The following TSPAN4 variants were observed in gnomAD, a reference collection of about 807,000 sequenced individuals.
The protein encoded by TSPAN4 is tetraspanin 4.
A neutral mutation model predicts 31.5 loss-of-function variants in TSPAN4; 38 were observed. The observed-to-expected ratio is 1.21, with a 90% CI of 0.93 to 1.58. The LOEUF is 1.58. Ranked by LOEUF, TSPAN4 falls within the 40% of genes most tolerant of loss-of-function variation. The pLI is 0.00. For missense variants in TSPAN4, 330 were observed against 317.3 expected (o/e 1.04, Z -0.30); for synonymous variants, 186 against 144.6 (o/e 1.29, Z -2.06).
chr11:855,981 G>A (rs1048106676), intron 3 of TSPAN4, among the ~76,000 whole-genome samples: 1 of 152,222 alleles, frequency 6.6e-6, no homozygotes, highest in African/African-American at 2.4e-5. Context: ...CGTGGCCCCC[G>A]TGGGCCCGGA....
chr11:853,414 C>T (rs532981324), intron 3 of TSPAN4, among the ~76,000 whole-genome samples: 1 of 152,258 alleles, frequency 6.6e-6, no homozygotes, highest in Non-Finnish European at 1.5e-5. Flanking sequence ...TGGTCACTGA[C>T]GGCCTGGGGC....
chr11:849,223 G>C (rs1039107987), intron 2 of TSPAN4, among the ~76,000 whole-genome samples: 1 of 152,112 alleles, frequency 6.6e-6, no homozygotes, highest in Non-Finnish European at 1.5e-5. Context: ...TGGTGGAGGG[G>C]GGGTGGGTAT....
Position 866,619 on chromosome 11 carries a change from T to TA in TSPAN4, c.707dup (p.Tyr236Ter). Residue 236 changes from tyrosine to a stop codon, truncating the protein, a stop_gained and frameshift_variant, in exon 9 of 9, where the codon TAC becomes TAAC. Coordinates refer to ENST00000397397, the MANE Select transcript of TSPAN4 (RefSeq NM_003271.5). LOFTEE classifies it high-confidence loss of function. Reference sequence around the variant, plus strand: ...CTGCCAAGTGGTCAAGGCAGACACCTACTGCGCGTAGGCCGCCCACCGCCC... The same window carrying TA: ...CTGCCAAGTGGTCAAGGCAGACACCTAACTGCGCGTAGGCCGCCCACCGCCC... ...MYCQVVKADT[Y>*]CA The TA allele has an allele frequency of 1.2e-6, 2 of 1,612,882 alleles. No homozygotes were observed. The highest frequency in any genetic ancestry group is 1.7e-6 in the Non-Finnish European group (2 of 1,179,668).
At chr11:852,271 G>A (rs867835486) in intron 3 of TSPAN4, among the ~76,000 whole-genome samples, 4 of 152,072 alleles carry the variant, frequency 2.6e-5, no homozygotes, top group South Asian at 4.2e-4. Context: ...TTACAGGCGC[G>A]CATCACCACG....
chr11:855,399 G>C (rs1847991348), intron 3 of TSPAN4, among the ~76,000 whole-genome samples: 1 of 152,226 alleles, frequency 6.6e-6, no homozygotes, highest in Admixed American at 6.5e-5. Flanking sequence ...ACGCAGCCCT[G>C]CTGCACCCAC....
chr11:850,838 C>T (rs1847646706), intron 3 of TSPAN4, among the ~76,000 whole-genome samples: 2 of 152,260 alleles, frequency 1.3e-5, no homozygotes, highest in Non-Finnish European at 2.9e-5. Flanking sequence ...CCTGTCGGGC[C>T]CAGGGACTCA....
chr11:843,889 G>A (rs187663299), intron 1 of TSPAN4, among the ~76,000 whole-genome samples: 141 of 152,318 alleles, frequency 9.3e-4, no homozygotes, highest in African/African-American at 3.1e-3. Flanking sequence ...AGTTGCAGAG[G>A]AGGAGGACGA....
chr11:853,761 C>G (rs541887863), intron 3 of TSPAN4, among the ~76,000 whole-genome samples: 2 of 152,302 alleles, frequency 1.3e-5, no homozygotes, highest in East Asian at 3.9e-4. Flanking sequence ...GGCCCTCACC[C>G]GGTGATGGCA....
Position 865,674 on chromosome 11 carries a change from G to A in TSPAN4, c.433-20G>A, listed in dbSNP as rs771804043. ...GCCCCCTCCCCTCCTGCCTCAGCCC[G>A]ACCTGAGCTTGCCCCCCAGTTCCGC... On this transcript the variant is annotated intron_variant, in intron 6 of 8. Coordinates refer to ENST00000397397, the MANE Select transcript of TSPAN4 (RefSeq NM_003271.5). The A allele has an allele frequency of 2.6e-5, 42 of 1,612,748 alleles. No homozygotes were observed. The highest frequency in any genetic ancestry group is 2.0e-4 in the East Asian group (9 of 44,878).
Position 866,005 on chromosome 11 carries a change from T to C in TSPAN4, c.648+4T>C, listed in dbSNP as rs1432393450. ...GCTGTGCACGGCGCTGGTGCAGGTA[T>C]GGCCTGGGGGCCTGCGGGCTCCCTG... is the stretch of plus-strand genomic sequence containing the variant. On this transcript the variant is annotated splice_donor_region_variant and intron_variant, in intron 8 of 8. Transcript: ENST00000397397. 3 of 1,611,772 alleles carry C rather than the reference T, an allele frequency of 1.9e-6. No individual in the cohort carries two copies. The highest frequency in any genetic ancestry group is 2.2e-5 in the South Asian group (2 of 90,980).
Position 842,920 on chromosome 11 carries a change from T to A in TSPAN4, c.-118+5T>A. ...GAGCGGGAGGCGGCGGCGCAGGTAC[T>A]GCGCCTGGGGGTTGTGGGGGCGTGC... On this transcript the variant is annotated splice_donor_5th_base_variant and intron_variant, in intron 1 of 8. Transcript: ENST00000397397. 6.3e-6 allele frequency: 1 copy of A among 158,936 alleles called. No individual in the cohort carries two copies. Among genetic ancestry groups the A allele is most frequent in the Non-Finnish European group, 1.4e-5 (1 of 72,206 alleles). 9.8% of individuals were successfully genotyped at this position (158,936 alleles called of 1,614,324 possible).
At chr11:853,948 G>A (rs1459814775) in intron 3 of TSPAN4, among the ~76,000 whole-genome samples, 5 of 152,174 alleles carry the variant, frequency 3.3e-5, no homozygotes, top group African/African-American at 9.7e-5. Context: ...GGCAGGTGCC[G>A]ACACAGACAC....
In TSPAN4 at chr11:846,190, A is replaced by G. The variant is rs575952654; in HGVS notation, c.-117-1011A>G. The stretch of plus-strand genomic sequence containing the variant: ...GAGACCCCGAGGTCTGGGCTGGGCC[A>G]GGACTGAGCTGCTGCCCTGCTGCTG... On this transcript the variant is annotated intron_variant, in intron 1 of 8. Transcript: ENST00000397397. 2.6e-5 allele frequency among the ~76,000 whole-genome samples: 4 copies of G among 152,318 alleles called. No homozygotes were observed. The South Asian group carries it at 6.2e-4, about 24-fold the overall frequency.
chr11:847,486 G>C (rs1299601008), intron 2 of TSPAN4, among the ~76,000 whole-genome samples, 186 bp downstream of exon 2: 1 of 152,120 alleles, frequency 6.6e-6, no homozygotes, highest in Non-Finnish European at 1.5e-5. Flanking sequence ...CCCCGACTGG[G>C]GTGTTGAAGG....
chr11:845,977 G>A (rs1391265813), intron 1 of TSPAN4, among the ~76,000 whole-genome samples: 1 of 152,216 alleles, frequency 6.6e-6, no homozygotes, highest in Non-Finnish European at 1.5e-5. Flanking sequence ...CCCCCAGGGT[G>A]AGGGCTTGGG....
intron 4 of TSPAN4, chr11:863,086 G>A (rs763617114): frequency 5.7e-5 from 11 of 191,566 alleles, no homozygotes; most frequent in East Asian, 1.3e-4. Flanking sequence ...TGCGGTCTCC[G>A]TGACTCATTC....
In TSPAN4 at chr11:848,013, G is replaced by A. The variant is rs1758243687; in HGVS notation, c.-18+713G>A. Among the ~76,000 whole-genome samples, 1 of 152,190 alleles carries A rather than the reference G, an allele frequency of 6.6e-6. No homozygotes were observed. On this transcript the variant is annotated intron_variant, in intron 2 of 8. Coordinates refer to ENST00000397397, the MANE Select transcript of TSPAN4 (RefSeq NM_003271.5). The surrounding 1 kb of genome is among the most constrained non-coding windows in gnomAD (Gnocchi z 5.7). ...CCCAGTCAGCCTGGGGTCCTCCCGG[G>A]TCCCCGTGGCACCTGCCCTTGCCTG...
chr11:863,285 C>T (rs1011021420), intron 4 of TSPAN4: 1 of 152,332 alleles, frequency 6.6e-6, no homozygotes, highest in Non-Finnish European at 1.5e-5. Flanking sequence ...GAAAAGGGCT[C>T]CTAGATGGAA....
intron 2 of TSPAN4, among the ~76,000 whole-genome samples, chr11:849,334 C>G (rs1024642525): frequency 1.3e-5 from 2 of 152,358 alleles, no homozygotes; most frequent in Admixed American, 1.3e-4. Flanking sequence ...CCCAGCCCCC[C>G]ACCCGCCGCC....
Sources: gnomAD v4.1 joint callset for allele counts (sites outside exome capture counted in the v4.1 genomes callset) on GRCh38, gnomAD v4.1.1 for gene constraint, Gnocchi (gnomAD v3.1) non-coding constraint, MANE v1.5 for transcripts, NCBI Gene and HGNC (gene_info 2026-07-23, HGNC 2026-07-21) for gene names.